Variants in RARB observed in about 807,000 individuals in gnomAD.
The protein encoded by RARB is HBV-activated protein.
A neutral mutation model predicts 51.9 loss-of-function variants in RARB; 17 were observed. The ratio of observed to expected loss-of-function variants is 0.33; its 90% CI spans 0.22 to 0.49. The LOEUF (loss-of-function observed/expected upper bound fraction) is 0.49. RARB is among the 20% of genes least tolerant of loss of function. The pLI is 0.99. For synonymous variants in RARB, 215 were observed against 195.4 expected (o/e 1.10, Z -0.84); for missense variants, 369 against 550.8 (o/e 0.67, Z 3.30).
intron 2 of RARB, among the ~76,000 whole-genome samples, chr3:24,923,084 C>G (rs1305965438): frequency 1.3e-5 from 2 of 152,152 alleles, no homozygotes; most frequent in Non-Finnish European, 2.9e-5. Context: ...TAGAAATATT[C>G]AGACAAGGGT....
At chr3:24,903,179 C>G (rs1218287753) in intron 2 of RARB, among the ~76,000 whole-genome samples, 1 of 151,900 alleles carries the variant, frequency 6.6e-6, no homozygotes, top group East Asian at 1.9e-4. Context: ...GTAATGATAA[C>G]TTGAAGTGAT....
chr3:25,127,811 A>T (rs754463162), intron 3 of RARB, among the ~76,000 whole-genome samples: 1 of 152,136 alleles, frequency 6.6e-6, no homozygotes, highest in South Asian at 2.1e-4. Flanking sequence ...AATAGAAATT[A>T]TATATAGTTT....
At chr3:24,866,240 G>A (rs968009597) in intron 2 of RARB, among the ~76,000 whole-genome samples, 1 of 151,866 alleles carries the variant, frequency 6.6e-6, no homozygotes, top group Non-Finnish European at 1.5e-5. Context: ...GTAATTCCAG[G>A]AACTGTCTCA....
chr3:25,179,898 A>G (rs866801479), intron 5 of RARB, among the ~76,000 whole-genome samples: 2 of 152,338 alleles, frequency 1.3e-5, no homozygotes, highest in Admixed American at 6.5e-5. Context: ...ATTAAAAGTA[A>G]TGGCAAGAAC....
intron 5 of RARB, among the ~76,000 whole-genome samples, chr3:25,190,757 A>G (rs1701084080): frequency 6.6e-6 from 1 of 152,084 alleles, no homozygotes; most frequent in East Asian, 1.9e-4. Flanking sequence ...GTCCTTGGCT[A>G]CTTATGTCGC....
At chr3:25,401,332 G>A (rs1707257854) in intron 5 of RARB, among the ~76,000 whole-genome samples, 1 of 152,152 alleles carries the variant, frequency 6.6e-6, no homozygotes, top group African/African-American at 2.4e-5. Context: ...AAAGGGTGAA[G>A]CCTCTCTGAA....
chr3:25,356,534 CT>C (rs1209949482), intron 5 of RARB, among the ~76,000 whole-genome samples: 3 of 151,228 alleles, frequency 2.0e-5, no homozygotes, highest in Admixed American at 6.6e-5. Flanking sequence ...TTTTATTATA[CT>C]TTAAGTTCTG....
intron 5 of RARB, among the ~76,000 whole-genome samples, chr3:25,283,980 G>A (rs978805911): frequency 5.9e-5 from 9 of 152,212 alleles, no homozygotes; most frequent in African/African-American, 2.2e-4. Context: ...AGGCAAAAGT[G>A]ATGGTAGGTC....
At chr3:24,846,489 C>G (rs1702487049) in intron 1 of RARB, among the ~76,000 whole-genome samples, 1 of 152,200 alleles carries the variant, frequency 6.6e-6, no homozygotes, top group South Asian at 2.1e-4. Flanking sequence ...AATGTGACAT[C>G]AGCATTATCT....
intron 2 of RARB, among the ~76,000 whole-genome samples, chr3:24,934,249 G>A (rs967474746): frequency 6.6e-6 from 1 of 152,078 alleles, no homozygotes; most frequent in Non-Finnish European, 1.5e-5. Context: ...CAAATGCCAT[G>A]CTTTTCCAGT....
intron 5 of RARB, among the ~76,000 whole-genome samples, chr3:25,372,163 C>T (rs1461770968): frequency 6.6e-6 from 1 of 152,202 alleles, no homozygotes; most frequent in Non-Finnish European, 1.5e-5. Context: ...GGATTTTAAA[C>T]AGGAGCATGA....
At chr3:25,226,261 A>G (rs1702053749) in intron 5 of RARB, among the ~76,000 whole-genome samples, 1 of 152,196 alleles carries the variant, frequency 6.6e-6, no homozygotes, top group Admixed American at 6.5e-5. Context: ...TACAGTATTG[A>G]AGTTTATTTT....
At chr3:25,527,771 T>G (rs1698717617) in intron 3 of RARB, among the ~76,000 whole-genome samples, 1 of 152,202 alleles carries the variant, frequency 6.6e-6, no homozygotes. Flanking sequence ...CCTGAGTGAC[T>G]AAAACTGTAA....
chr3:25,566,435 C>T (rs970433657), intron 3 of RARB, among the ~76,000 whole-genome samples: 7 of 152,188 alleles, frequency 4.6e-5, no homozygotes, highest in Admixed American at 3.3e-4. Flanking sequence ...TGCTCCCCTT[C>T]GAGTGAGCTG....
rs528467767 is a variant in RARB at position 25,068,006 on chromosome 3, G to A, written c.-328+7830G>A. 1.6e-3 allele frequency among the ~76,000 whole-genome samples: 242 copies of A among 151,228 alleles called. 1 individual carries two copies. Among genetic ancestry groups the A allele is most frequent in the African/African-American group, 5.7e-3 (233 of 41,200 alleles). The stretch of plus-strand genomic sequence containing the variant: ...AAAAAAATTAGCTGCACACAGTGCC[G>A]CACACCTGTAATGCCAGCTACTCAG... On this transcript the variant is annotated intron_variant, in intron 3 of 11. Coordinates refer to the RARB transcript ENST00000383772.
chr3:25,330,566 A>T (rs1211512498), intron 5 of RARB, among the ~76,000 whole-genome samples: 2 of 152,246 alleles, frequency 1.3e-5, no homozygotes, highest in Non-Finnish European at 2.9e-5. Flanking sequence ...AACATGCCAA[A>T]TTGTAAAGAC....
At chr3:24,883,628 G>C (rs533779794) in intron 2 of RARB, among the ~76,000 whole-genome samples, 11 of 152,224 alleles carry the variant, frequency 7.2e-5, no homozygotes, top group African/African-American at 2.6e-4. Context: ...CATCTATGAA[G>C]TGTCAGCAGC....
chr3:24,881,082 C>G lies in RARB; in HGVS notation c.-380+22330C>G, dbSNP rs114736675. ...CTGTTCTCATGATAGTGAGTGAGTT[C>G]TCACTAGAGGTGATGGTTTGAAAGA... On this transcript the variant is annotated intron_variant, in intron 2 of 11. Coordinates refer to the RARB transcript ENST00000383772. Among the ~76,000 whole-genome samples, 22 of 152,100 alleles carry G rather than the reference C, an allele frequency of 1.4e-4. 1 individual carries two copies. The highest frequency in any genetic ancestry group is 8.5e-4 in the Admixed American group (13 of 15,272).
In RARB at chr3:25,187,425, TA is replaced by T. The variant is rs1471207142; in HGVS notation, c.178+12852del. Reference sequence around the variant, plus strand: ...AGACACAGCAGAAAGGATAAAGTTTTAAGTGATTAAGTATTCATCTTCCAGT... The same window carrying T: ...AGACACAGCAGAAAGGATAAAGTTTTAGTGATTAAGTATTCATCTTCCAGT... On this transcript the variant is annotated intron_variant, in intron 5 of 11. Transcript: ENST00000383772. Among the ~76,000 whole-genome samples, 8 of 152,098 alleles carry T rather than the reference TA, an allele frequency of 5.3e-5. No individual in the cohort carries two copies. In the South Asian group the frequency reaches 1.0e-3, roughly 20 times the overall value.
Sources: allele counts gnomAD v4.1 joint callset (sites outside exome capture counted in the v4.1 genomes callset), GRCh38; gene constraint gnomAD v4.1.1; transcripts MANE v1.5; gene names NCBI Gene and HGNC (gene_info 2026-07-23, HGNC 2026-07-21).